SLIT2: variants seen among roughly 807,000 people sequenced by gnomAD.
The protein encoded by SLIT2 is slit guidance ligand 2.
A neutral mutation model predicts 185.7 loss-of-function variants in SLIT2; 41 were observed. The observed-to-expected ratio is 0.22, with a 90% CI of 0.17 to 0.29. The LOEUF (loss-of-function observed/expected upper bound fraction) is 0.29, where lower values mean the gene tolerates loss of function less well. Ranked by LOEUF, SLIT2 falls within the 10% of genes least tolerant of loss-of-function variation. The probability of loss-of-function intolerance (pLI) is 1.00; values close to 1 mark genes in which losing one functional copy is unlikely to be tolerated. For synonymous variants in SLIT2, 693 were observed against 680.2 expected (o/e 1.02, Z -0.29); for missense variants, 1,571 against 1,909.0 (o/e 0.82, Z 3.30).
intron 4 of SLIT2, among the ~76,000 whole-genome samples, chr4:20,310,994 C>T (rs1470576102): frequency 6.6e-6 from 1 of 152,206 alleles, no homozygotes; most frequent in Non-Finnish European, 1.5e-5. Flanking sequence ...AAGTGATCCT[C>T]CTGCCTCAGC....
rs144798360 is a variant in SLIT2, at chr4:20,260,054, G to T, written c.323+2115G>T. Among the ~76,000 whole-genome samples, 591 of 151,842 alleles carry T rather than the reference G, an allele frequency of 3.9e-3. 9 individuals are homozygous for T. The highest frequency in any genetic ancestry group is 0.014 in the African/African-American group (566 of 41,506). ...AAAAATACATTAAATGGCAAGGCAG[G>T]TTTGCTAAGGAATGCATTCAAGTTA... is the stretch of plus-strand genomic sequence containing the variant. On this transcript the variant is annotated intron_variant, in intron 3 of 36. Coordinates refer to ENST00000504154, the MANE Select transcript of SLIT2 (RefSeq NM_004787.4).
At chr4:20,411,490 A>T (rs1485969328) in intron 4 of SLIT2, among the ~76,000 whole-genome samples, 1 of 152,196 alleles carries the variant, frequency 6.6e-6, no homozygotes, top group Non-Finnish European at 1.5e-5. Context: ...CCTTGCTCTC[A>T]TCCAAACCTC....
intron 4 of SLIT2, among the ~76,000 whole-genome samples, chr4:20,341,351 A>G (rs7687583): frequency 0.87 from 132,323 of 152,168 alleles, 57,723 homozygotes; most frequent in African/African-American, 0.92. Flanking sequence ...ATTTTTCCTT[A>G]GACAGACAGT....
In SLIT2 at chr4:20,550,277, T is replaced by C. The variant is rs563158532; in HGVS notation, c.2490-550T>C. Among the ~76,000 whole-genome samples the C allele has an allele frequency of 2.6e-5, 4 of 152,246 alleles. 1 individual carries two copies. The South Asian group carries it at 8.3e-4, about 32-fold the overall frequency. On this transcript the variant is annotated intron_variant, in intron 24 of 36. Transcript: ENST00000504154. ...GTGCTTTTTATTCTAATGAGCTTGA[T>C]CTATCATTTCCCCATTTTCTGTTGG...
At chr4:20,532,978 G>C (rs568905663) in intron 17 of SLIT2, among the ~76,000 whole-genome samples, 1 of 152,234 alleles carries the variant, frequency 6.6e-6, no homozygotes, top group African/African-American at 2.4e-5. Context: ...CAGTGAGAAA[G>C]AGAAAGAAAA....
chr4:20,504,770 CT>C (rs1316882856), intron 9 of SLIT2, among the ~76,000 whole-genome samples: 2 of 152,052 alleles, frequency 1.3e-5, no homozygotes, highest in Non-Finnish European at 2.9e-5. Flanking sequence ...ATAGTCCCCC[CT>C]CTTCCACAGT....
chr4:20,519,666 C>G (rs112227330), intron 12 of SLIT2, among the ~76,000 whole-genome samples: 1 of 152,114 alleles, frequency 6.6e-6, no homozygotes, highest in Non-Finnish European at 1.5e-5. Context: ...TTTATCTACA[C>G]TATCATGAAT....
chr4:20,520,493 C>T (rs956070975), intron 12 of SLIT2, among the ~76,000 whole-genome samples: 37 of 152,214 alleles, frequency 2.4e-4, no homozygotes, highest in Admixed American at 5.9e-4. Context: ...AAAATCCTTA[C>T]GCATACAATG....
chr4:20,477,886 C>T (rs959588901), intron 5 of SLIT2, among the ~76,000 whole-genome samples: 16 of 152,072 alleles, frequency 1.1e-4, no homozygotes, highest in African/African-American at 3.9e-4. Context: ...CTGAAGAAGG[C>T]CAGCCTGTCA....
intron 29 of SLIT2, among the ~76,000 whole-genome samples, chr4:20,585,860 T>C (rs935966098): frequency 6.6e-6 from 1 of 152,198 alleles, no homozygotes; most frequent in Non-Finnish European, 1.5e-5. Context: ...TAGCTCTGAC[T>C]ACACTTAAAA....
chr4:20,552,155 G>T (rs1310726590), intron 25 of SLIT2, among the ~76,000 whole-genome samples: 1 of 152,168 alleles, frequency 6.6e-6, no homozygotes, highest in African/African-American at 2.4e-5. Context: ...GCTCAGAGAT[G>T]CAGGGCTGTG....
rs1399131078 is a variant in SLIT2 at position 20,472,602 on chromosome 4, A to C, written c.467+4779A>C. ...TATCTATATATAGATATATATCTAT[A>C]GATATATCTATATATATCGATATAT... On this transcript the variant is annotated intron_variant, in intron 5 of 36. Transcript: ENST00000504154. Among the ~76,000 whole-genome samples, 5 of 14,766 alleles carry C rather than the reference A, an allele frequency of 3.4e-4. 1 individual carries two copies. The highest frequency in any genetic ancestry group is 3.0e-3 in the South Asian group (1 of 328). 9.7% of individuals were successfully genotyped at this position (14,766 alleles called of 152,430 possible). A position where few individuals can be genotyped will look rare whatever the true frequency, so the allele number is the denominator to read the frequency against.
rs1350976267 is a variant in SLIT2, at chr4:20,253,031, C to A, written c.-785C>A. 6.6e-6 allele frequency among the ~76,000 whole-genome samples: 1 copy of A among 152,202 alleles called. No individual in the cohort carries two copies. The highest frequency in any genetic ancestry group is 6.5e-5 in the Admixed American group (1 of 15,284). On this transcript the variant is annotated 5_prime_UTR_variant, in exon 1 of 37. Coordinates refer to ENST00000504154, the MANE Select transcript of SLIT2 (RefSeq NM_004787.4). ...CGTGACCTCGGGGCAGGTCCTGGTG[C>A]AGAGCGTCGCCAAGGACGCCGAGCG...
At chr4:20,264,486 G>A (rs775720207) in intron 3 of SLIT2, among the ~76,000 whole-genome samples, 6 of 151,768 alleles carry the variant, frequency 4.0e-5, no homozygotes, top group African/African-American at 9.7e-5. Context: ...TTCATATTAC[G>A]TTTTGAATTA....
intron 4 of SLIT2, among the ~76,000 whole-genome samples, chr4:20,310,186 C>G (rs1032936286): frequency 6.6e-6 from 1 of 152,084 alleles, no homozygotes; most frequent in Non-Finnish European, 1.5e-5. Flanking sequence ...TTTAATGTTT[C>G]TCATTGTACA....
chr4:20,279,201 A>G (rs145315054), intron 4 of SLIT2, among the ~76,000 whole-genome samples: 3 of 152,324 alleles, frequency 2.0e-5, no homozygotes, highest in African/African-American at 7.2e-5. Context: ...ATCGAGAAAT[A>G]CTCTGTATTG....
At chr4:20,594,428 C>T (rs970026491) in intron 30 of SLIT2, among the ~76,000 whole-genome samples, 2 of 151,138 alleles carry the variant, frequency 1.3e-5, no homozygotes, top group Non-Finnish European at 2.9e-5. Flanking sequence ...GTCAGTGAAC[C>T]CTCTCTTAAA....
At chr4:20,581,149 G>A (rs1726529915) in intron 29 of SLIT2, among the ~76,000 whole-genome samples, 1 of 152,084 alleles carries the variant, frequency 6.6e-6, no homozygotes, top group African/African-American at 2.4e-5. Context: ...CTGAAATCAA[G>A]GTGTTGATTC....
At chr4:20,462,221 G>A (rs564959700) in intron 4 of SLIT2, among the ~76,000 whole-genome samples, 5 of 152,126 alleles carry the variant, frequency 3.3e-5, no homozygotes, top group Non-Finnish European at 7.4e-5. Flanking sequence ...GAATGGGGAA[G>A]CCTTTCCAGC....
Sources: gnomAD v4.1 joint callset for allele counts (sites outside exome capture counted in the v4.1 genomes callset) on GRCh38, gnomAD v4.1.1 for gene constraint, MANE v1.5 for transcripts, NCBI Gene and HGNC (gene_info 2026-07-23, HGNC 2026-07-21) for gene names.